Variants in TRMT5 observed in about 807,000 individuals in gnomAD.
The protein encoded by TRMT5 is tRNA methyltransferase 5, also known as tRNA (guanine(37)-N(1))-methyltransferase.
In TRMT5, 31 loss-of-function variants were observed where a neutral mutation model predicts 42.2. The observed-to-expected ratio is 0.73, with a 90% confidence interval of 0.55 to 0.99. TRMT5 has a LOEUF of 0.99. TRMT5 is among the 50% of genes least tolerant of loss of function. The probability of loss-of-function intolerance (pLI) is 0.00; values close to 1 mark genes in which losing one functional copy is unlikely to be tolerated. For synonymous variants in TRMT5, 198 were observed against 209.6 expected, an observed-to-expected ratio of 0.94 and a Z score of 0.48; for missense variants, 568 against 595.0, an observed-to-expected ratio of 0.95 and a Z score of 0.47.
At chr14:60,975,406 G>C in intron 4 of TRMT5, 69 bp downstream of exon 4, 6 of 1,550,312 alleles carry the variant, frequency 3.9e-6, no homozygotes, top group Non-Finnish European at 5.2e-6. Context: ...ATTAAAATTT[G>C]TAAAACTGGG....
chr14:60,975,042 A>G lies in TRMT5; in HGVS notation c.*67T>C. On this transcript the variant is annotated 3_prime_UTR_variant, in exon 5 of 5. Transcript: ENST00000261249. ...AGTAAAAACCAAACCCTAAAATTTT[A>G]TTAAATAATACAAATTCTATTTCAC... The G allele has an allele frequency of 7.5e-7, 1 of 1,324,756 alleles. No homozygotes were observed. Among genetic ancestry groups the G allele is most frequent in the Non-Finnish European group, 1.0e-6 (1 of 968,048 alleles). The allele number at this position is 1,324,756 out of a possible 1,614,324, so 82.1% of individuals were successfully genotyped here. A position where few individuals can be genotyped will look rare whatever the true frequency, so the allele number is the denominator to read the frequency against.
At position 60,972,411 on chromosome 14, in the gene TRMT5, T is replaced by A. The variant is rs56135834; in HGVS notation, c.*2698A>T. 12 of 536,396 alleles carry A rather than the reference T, an allele frequency of 2.2e-5. No homozygotes were observed. The African/African-American group carries it at 2.3e-4, about 10-fold the overall frequency. 33.2% of individuals were successfully genotyped at this position (536,396 alleles called of 1,614,324 possible). A position where few individuals can be genotyped will look rare whatever the true frequency, so the allele number is the denominator to read the frequency against. ...CCTCGCAGATCTTCTCTGTGATTCA[T>A]CCTTCACCTTGGCTTTATCTCCTTT... On this transcript the variant is annotated 3_prime_UTR_variant, in exon 5 of 5. Coordinates refer to ENST00000261249, the MANE Select transcript of TRMT5 (RefSeq NM_020810.3).
At chr14:60,975,300 G>T in intron 4 of TRMT5, 106 bp from the exon 5 acceptor site, 2 of 1,307,066 alleles carry the variant, frequency 1.5e-6, no homozygotes, top group Non-Finnish European at 2.1e-6. Context: ...ACTTAAACAT[G>T]AAATAACATT....
intron 1 of TRMT5, 101 bp from the exon 2 acceptor site, chr14:60,979,987 G>A: frequency 7.9e-7 from 1 of 1,269,774 alleles, no homozygotes; most frequent in South Asian, 1.6e-5. Flanking sequence ...CAAATAAAAC[G>A]TTTAGTGATG....
At chr14:60,980,588 T>C (rs952169424) in intron 1 of TRMT5, among the ~76,000 whole-genome samples, 2 of 152,200 alleles carry the variant, frequency 1.3e-5, no homozygotes, top group African/African-American at 4.8e-5. Context: ...CTGATTGTTA[T>C]ATGCATAGTA....
At chr14:60,977,401 A>G in intron 3 of TRMT5, 113 bp downstream of exon 3, 3 of 1,079,752 alleles carry the variant, frequency 2.8e-6, no homozygotes, top group Non-Finnish European at 3.9e-6. Flanking sequence ...AAGTGATCAC[A>G]TTCTCACATA....
In TRMT5 at chr14:60,972,332, AG is replaced by A; in HGVS notation, c.*2776del. ...TGGGTACCTTCTCTCCCTTCTTTGC[AG>A]GGGCCTTTTTAGGCTTGGGCTCTGG... On this transcript the variant is annotated 3_prime_UTR_variant, in exon 5 of 5. Transcript: ENST00000261249. 1.8e-6 allele frequency: 1 copy of A among 544,424 alleles called. No homozygotes were observed. The allele number at this position is 544,424 out of a possible 1,614,324, so 33.7% of individuals were successfully genotyped here.
At chr14:60,979,963 G>C (rs1213061046) in intron 1 of TRMT5, 77 bp from the exon 2 acceptor site, 5 of 1,424,218 alleles carry the variant, frequency 3.5e-6, no homozygotes, top group Non-Finnish European at 4.7e-6. Flanking sequence ...CTCAAATAAC[G>C]GGCTAAATGC....
chr14:60,979,001 G>A (rs1044619887), intron 2 of TRMT5, among the ~76,000 whole-genome samples: 4 of 152,118 alleles, frequency 2.6e-5, no homozygotes, highest in Admixed American at 6.5e-5. Context: ...CTACACTGAT[G>A]TATTGTTGTA....
In TRMT5 at chr14:60,980,734, G is replaced by T. The variant is rs1274730770; in HGVS notation, c.11+229C>A. ...ATTGGTTCTAGCAGCTGACCAGCTG[G>T]GTGACCCTGGATAAATTACTATAAG... On this transcript the variant is annotated intron_variant, in intron 1 of 4. Transcript: ENST00000261249. 9 of 637,904 alleles carry T rather than the reference G, an allele frequency of 1.4e-5. No individual in the cohort carries two copies. The South Asian group carries it at 1.8e-4, about 13-fold the overall frequency. The allele number at this position is 637,904 out of a possible 1,614,324, so 39.5% of individuals were successfully genotyped here.
rs2036887412 is a variant in TRMT5, at chr14:60,979,231, C to A, written c.667G>T (p.Gly223Cys). ...ATGAATATTACTATGACACACGTAC[C>A]AATTAAATGTTTGAAAGGCAGCTGA... ...DHQLPFKHLI[G>C]QVMIDKNPGI... is the part of the protein sequence containing the mutation. The change falls in exon 2 of 5, where the codon GGC (glycine) becomes TGC (cysteine). Residue 223 changes from glycine (G) to cysteine (C), a missense_variant and splice_region_variant. Transcript: ENST00000261249. 6.3e-7 allele frequency: 1 copy of A among 1,595,704 alleles called. No homozygotes were observed. Among genetic ancestry groups the A allele is most frequent in the Non-Finnish European group, 8.5e-7 (1 of 1,171,158 alleles).
intron 3 of TRMT5, 66 bp from the exon 4 acceptor site, chr14:60,976,192 A>G: frequency 6.6e-7 from 1 of 1,516,468 alleles, no homozygotes; most frequent in South Asian, 1.3e-5. Context: ...TTGATATTGG[A>G]TAGGTTGTGT....
In TRMT5 at chr14:60,979,554, CT is replaced by C. The variant is rs1301695651; in HGVS notation, c.343del (p.Arg115GlyfsTer9). 24 of 1,613,984 alleles carry C rather than the reference CT, an allele frequency of 1.5e-5. No individual in the cohort carries two copies. Among genetic ancestry groups the C allele is most frequent in the Non-Finnish European group, 2.0e-5 (24 of 1,180,030 alleles). Reference sequence around the variant, plus strand: ...TATGCCTGGGCGCTGCAATGCTGCCCTTTTTAGGGATCGCATCAATTTACTG... The same window carrying C: ...TATGCCTGGGCGCTGCAATGCTGCCCTTTTAGGGATCGCATCAATTTACTG... ...IVSKLMRSLK[R>X]AALQRPGIRR... On this transcript the variant is annotated frameshift_variant, in exon 2 of 5. Transcript: ENST00000261249. LOFTEE classifies it high-confidence loss of function.
chr14:60,981,582 A>T, upstream of TRMT5: 2 of 1,517,574 alleles, frequency 1.3e-6, no homozygotes, highest in Non-Finnish European at 8.8e-7. Context: ...AGCCTAGCAT[A>T]CTCTAGAAAG....
rs1462871514 is a variant in TRMT5, at chr14:60,975,141, C to T, written c.1498G>A (p.Asp500Asn). The T allele has an allele frequency of 1.9e-6, 3 of 1,609,268 alleles. No individual in the cohort carries two copies. The African/African-American group carries it at 4.0e-5, about 22-fold the overall frequency. The change falls in exon 5 of 5, where the codon GAC becomes AAC. Residue 500 changes from aspartate (D) to asparagine (N), a missense_variant. Coordinates refer to ENST00000261249, the MANE Select transcript of TRMT5 (RefSeq NM_020810.3). ...TTTGAAACAATTTGTGTTTTTTCGT[C>T]TGAAAAGGCTTCAGCCGTCCTCTGC... is the stretch of plus-strand genomic sequence containing the variant. ...KRQRTAEAFSDEKTQIVSNT is the reference protein window; with the variant it reads ...KRQRTAEAFSNEKTQIVSNT
chr14:60,971,635 GT>G lies in TRMT5; in HGVS notation c.*3473del. The G allele has an allele frequency of 5.3e-6, 1 of 188,496 alleles. No homozygotes were observed. Among genetic ancestry groups the G allele is most frequent in the Non-Finnish European group, 1.1e-5 (1 of 94,056 alleles). 11.7% of individuals were successfully genotyped at this position (188,496 alleles called of 1,614,324 possible). ...TCATCTGATGCTCTGAACAGGGAAA[GT>G]TTAGAGGGTTAACATTTCACATTTA... On this transcript the variant is annotated 3_prime_UTR_variant, in exon 5 of 5. Coordinates refer to ENST00000261249, the MANE Select transcript of TRMT5 (RefSeq NM_020810.3).
chr14:60,980,922 C>T lies in TRMT5; in HGVS notation c.11+41G>A, dbSNP rs1239451073. The T allele has an allele frequency of 3.1e-6, 5 of 1,612,352 alleles. No individual in the cohort carries two copies. The African/African-American group carries it at 4.0e-5, about 13-fold the overall frequency. On this transcript the variant is annotated intron_variant, in intron 1 of 4. Transcript: ENST00000261249. ...AGAGCAGCCCTGGGCGGGCTGGTAC[C>T]TCCCCTGGACCATTAGCCCCTAACG... is the stretch of plus-strand genomic sequence containing the variant.
chr14:60,976,472 C>T lies in TRMT5; in HGVS notation c.793-346G>A, dbSNP rs140287579. ...GCCAATTAACTGGCTTAATTATACT[C>T]TTATGTCACCAGATAGACAAGGCAA... On this transcript the variant is annotated intron_variant, in intron 3 of 4. Coordinates refer to ENST00000261249, the MANE Select transcript of TRMT5 (RefSeq NM_020810.3). Among the ~76,000 whole-genome samples, 11 of 152,322 alleles carry T rather than the reference C, an allele frequency of 7.2e-5. No individual in the cohort carries two copies. The East Asian group carries it at 2.1e-3, about 29-fold the overall frequency.
intron 2 of TRMT5, 24 bp from the exon 3 acceptor site, chr14:60,977,662 T>C (rs762048572): frequency 7.6e-6 from 12 of 1,575,804 alleles, no homozygotes; most frequent in Admixed American, 3.8e-5. Context: ...TGAAAATCCA[T>C]AATACTGCCT....
Sources: gnomAD v4.1 joint callset for allele counts (sites outside exome capture counted in the v4.1 genomes callset) on GRCh38, gnomAD v4.1.1 for gene constraint, MANE v1.5 for transcripts, NCBI Gene and HGNC (gene_info 2026-07-23, HGNC 2026-07-21) for gene names.